The following UGT2B11 variants were observed in gnomAD, a reference collection of about 807,000 sequenced individuals.
The protein encoded by UGT2B11 is UDP-glucuronosyltransferase 2B11.
Under a neutral mutation model 51.7 loss-of-function variants are expected in UGT2B11, and 49 were observed. That is an observed-to-expected ratio of 0.95 (90% confidence interval 0.75 to 1.20). The LOEUF (loss-of-function observed/expected upper bound fraction) is 1.20, where lower values mean the gene tolerates loss of function less well. Among genes scored for constraint, UGT2B11 ranks in the 50% most tolerant of loss-of-function variants. The pLI is 0.00. For synonymous variants in UGT2B11, 273 were observed against 209.0 expected, an observed-to-expected ratio of 1.31 and a Z score of -2.64; for missense variants, 810 against 622.1, an observed-to-expected ratio of 1.30 and a Z score of -3.21.
Position 69,200,312 on chromosome 4 carries a change from ATT to A in UGT2B11, c.*126_*127del, listed in dbSNP as rs11340393. The A allele has an allele frequency of 0.1, 79,371 of 794,482 alleles. 120 individuals are homozygous for A. The highest frequency in any genetic ancestry group is 0.12 in the East Asian group (2,118 of 18,212). 49.2% of individuals were successfully genotyped at this position (794,482 alleles called of 1,614,324 possible). On this transcript the variant is annotated 3_prime_UTR_variant, in exon 6 of 6. Coordinates refer to ENST00000446444, the MANE Select transcript of UGT2B11 (RefSeq NM_001073.3). ...TTTACTTGACAAGGTAGATTTGAAA[ATT>A]TTTTTTTTTTTTTTTTTTTTGTCAC...
At chr4:69,212,942 G>T (rs542265407) in intron 1 of UGT2B11, among the ~76,000 whole-genome samples, 2 of 151,038 alleles carry the variant, frequency 1.3e-5, no homozygotes, top group African/African-American at 4.8e-5. Flanking sequence ...GAGGTTAAGC[G>T]ACATCTCTAA....
At chr4:69,210,202 A>T (rs541074602) in intron 2 of UGT2B11, among the ~76,000 whole-genome samples, 1 of 151,790 alleles carries the variant, frequency 6.6e-6, no homozygotes, top group Non-Finnish European at 1.5e-5. Context: ...ATGCTATTGT[A>T]TGCACATACA....
intron 2 of UGT2B11, among the ~76,000 whole-genome samples, chr4:69,209,663 A>G (rs1467416116): frequency 6.6e-6 from 1 of 151,650 alleles, no homozygotes; most frequent in Non-Finnish European, 1.5e-5. Flanking sequence ...TTAACGTGAG[A>G]GTCCTTGTAC....
chr4:69,214,587 G>C lies in UGT2B11; in HGVS notation c.136C>G (p.Leu46Val), dbSNP rs777891729. 2.5e-6 allele frequency: 4 copies of C among 1,613,266 alleles called. No homozygotes were observed. Among genetic ancestry groups the C allele is most frequent in the Non-Finnish European group, 3.4e-6 (4 of 1,179,454 alleles). The part of the protein sequence containing the change: ...WMNMKTILKE[L>V]VQRGHEVTVL... ...GTCACCTCATGACCTCTCTGAACAAGCTCTTTCAGGATTGTCTTCATATTC... is the reference window on the plus strand; with the variant it reads ...GTCACCTCATGACCTCTCTGAACAACCTCTTTCAGGATTGTCTTCATATTC... The change falls in exon 1 of 6, where the codon CTT becomes GTT. Residue 46 changes from leucine to valine, a missense_variant. Transcript: ENST00000446444.
chr4:69,219,676 A>G (rs1722363194), upstream of UGT2B11, among the ~76,000 whole-genome samples: 1 of 152,186 alleles, frequency 6.6e-6, no homozygotes, highest in Non-Finnish European at 1.5e-5. Flanking sequence ...AGACTTGTGT[A>G]GGGAAACTCT....
rs534493253 is a variant in UGT2B11 at position 69,201,846 on chromosome 4, C to A, written c.1311-1127G>T. ...AACACAAAAGATAAATATACATACA[C>A]TAAGTGAATAGTTCAAAAATGGAAG... On this transcript the variant is annotated intron_variant, in intron 5 of 5. Transcript: ENST00000446444. Among the ~76,000 whole-genome samples the A allele has an allele frequency of 3.3e-5, 5 of 151,886 alleles. No individual in the cohort carries two copies. The East Asian group carries it at 9.8e-4, about 30-fold the overall frequency.
chr4:69,205,755 C>T (rs1037101811), intron 3 of UGT2B11, 188 bp from the exon 4 acceptor site: 121 of 627,350 alleles, frequency 1.9e-4, no homozygotes, highest in Non-Finnish European at 4.6e-5. Flanking sequence ...TATAAGAAAC[C>T]ATGATTTTCC....
chr4:69,214,395 A>C lies in UGT2B11; in HGVS notation c.328T>G (p.Ser110Ala). Residue 110 changes from serine (S) to alanine (A), a missense_variant, in exon 1 of 6, where the codon TCA becomes GCA. Ser to Ala is a moderately conservative substitution (Grantham distance 99). Coordinates refer to ENST00000446444, the MANE Select transcript of UGT2B11 (RefSeq NM_001073.3). ...TCCCACAGGATTTCTTGTTCTTGTG[A>C]AAAATATAACCAAAAGCTATCTTTT... ...IRKDSFWLYF[S>A]QEQEILWELY... 6.2e-7 allele frequency: 1 copy of C among 1,612,854 alleles called. No homozygotes were observed. Among genetic ancestry groups the C allele is most frequent in the South Asian group, 1.1e-5 (1 of 91,000 alleles).
chr4:69,212,123 T>C (rs746580535), intron 2 of UGT2B11, among the ~76,000 whole-genome samples: 2 of 151,616 alleles, frequency 1.3e-5, no homozygotes, highest in Non-Finnish European at 3.0e-5. Context: ...TGACATTGGG[T>C]TTTTCCTTGA....
intron 2 of UGT2B11, among the ~76,000 whole-genome samples, 167 bp downstream of exon 2, chr4:69,212,406 G>A (rs1387710705): frequency 5.3e-5 from 8 of 151,512 alleles, no homozygotes; most frequent in African/African-American, 9.7e-5. Context: ...ACTCACATAC[G>A]TGTGACGGTA....
At chr4:69,206,465 A>T (rs1192227869) in intron 3 of UGT2B11, among the ~76,000 whole-genome samples, 1 of 151,454 alleles carries the variant, frequency 6.6e-6, no homozygotes, top group Non-Finnish European at 1.5e-5. Flanking sequence ...ATACACTGAG[A>T]TGTATTGGAG....
intron 1 of UGT2B11, among the ~76,000 whole-genome samples, chr4:69,212,996 A>G (rs1395495502): frequency 6.6e-6 from 1 of 151,492 alleles, no homozygotes; most frequent in Non-Finnish European, 1.5e-5. Flanking sequence ...AGTCATAGAT[A>G]ATTAAACATC....
intron 5 of UGT2B11, among the ~76,000 whole-genome samples, chr4:69,202,614 T>C (rs1217014808): frequency 6.6e-6 from 1 of 151,756 alleles, no homozygotes; most frequent in Non-Finnish European, 1.5e-5. Flanking sequence ...TATATGTGTG[T>C]ATGTCATTTT....
intron 2 of UGT2B11, among the ~76,000 whole-genome samples, chr4:69,210,094 G>A (rs1021105428): frequency 2.1e-4 from 32 of 151,324 alleles, no homozygotes; most frequent in African/African-American, 5.8e-4. Context: ...TTTATCCTGC[G>A]AAAACTTCCA....
Position 69,214,145 on chromosome 4 carries a change from T to C in UGT2B11, c.578A>G (p.Tyr193Cys). ...HSGGLIFPPS[Y>C]IPIVMSKLSD... ...TAATTTTGACATAACAATAGGTATG[T>C]AGGAAGGAGGGAAAATCAGTCCTCC... Residue 193 changes from tyrosine to cysteine, a missense_variant, in exon 1 of 6, where the codon TAC (tyrosine) becomes TGC (cysteine). Tyr to Cys is a radical substitution (Grantham distance 194). Coordinates refer to ENST00000446444, the MANE Select transcript of UGT2B11 (RefSeq NM_001073.3). 2 of 1,612,684 alleles carry C rather than the reference T, an allele frequency of 1.2e-6. No homozygotes were observed. The highest frequency in any genetic ancestry group is 1.7e-6 in the Non-Finnish European group (2 of 1,179,198).
chr4:69,210,896 T>G (rs1164059132), intron 2 of UGT2B11, among the ~76,000 whole-genome samples: 2 of 151,676 alleles, frequency 1.3e-5, no homozygotes, highest in South Asian at 2.1e-4. Flanking sequence ...AATGTGATAT[T>G]AATTTAAAAT....
At chr4:69,217,271 A>G (rs1006336457), upstream of UGT2B11, among the ~76,000 whole-genome samples, 4 of 152,234 alleles carry the variant, frequency 2.6e-5, no homozygotes, top group African/African-American at 7.2e-5. Context: ...AATTTACATC[A>G]AAGTAGAATT....
chr4:69,209,707 G>A (rs1196042618), intron 2 of UGT2B11, among the ~76,000 whole-genome samples: 1 of 151,500 alleles, frequency 6.6e-6, no homozygotes, highest in Non-Finnish European at 1.5e-5. Context: ...GCTTCTAGGT[G>A]TTGCGTGTGA....
intron 1 of UGT2B11, among the ~76,000 whole-genome samples, 189 bp downstream of exon 1, chr4:69,213,813 G>C (rs570865638): frequency 6.6e-6 from 1 of 151,636 alleles, no homozygotes; most frequent in African/African-American, 2.4e-5. Context: ...ATGGCCACAG[G>C]GTTTTAACAG....
Sources: allele counts gnomAD v4.1 joint callset (sites outside exome capture counted in the v4.1 genomes callset), GRCh38; gene constraint gnomAD v4.1.1; transcripts MANE v1.5; gene names NCBI Gene and HGNC (gene_info 2026-07-23, HGNC 2026-07-21).